Variants in DNAH9 observed in about 807,000 individuals in gnomAD.
The protein encoded by DNAH9 is DNAH9 variant protein.
A neutral mutation model predicts 471.6 loss-of-function variants in DNAH9; 345 were observed. The observed-to-expected ratio is 0.73, with a 90% CI of 0.67 to 0.80. The LOEUF (loss-of-function observed/expected upper bound fraction) is 0.80, where lower values mean the gene tolerates loss of function less well. DNAH9 is among the 30% of genes least tolerant of loss of function. DNAH9 has a pLI of 0.00. For missense variants in DNAH9, 5,407 were observed against 5,609.2 expected (o/e 0.96, Z 1.15); for synonymous variants, 2,093 against 2,123.6 (o/e 0.99, Z 0.40).
intron 45 of DNAH9, among the ~76,000 whole-genome samples, chr17:11,813,982 A>G (rs1325294893): frequency 6.6e-6 from 1 of 152,180 alleles, no homozygotes; most frequent in East Asian, 1.9e-4. Flanking sequence ...TATTTGAGTC[A>G]CTTCCCTTGG....
chr17:11,726,319 A>G (rs559807470), intron 27 of DNAH9, among the ~76,000 whole-genome samples: 2 of 152,300 alleles, frequency 1.3e-5, no homozygotes, highest in East Asian at 3.9e-4. Context: ...TGAAGGAAAA[A>G]TAATCCTAGC....
intron 1 of DNAH9, among the ~76,000 whole-genome samples, chr17:11,606,830 ACTCTC>A (rs1314213116): frequency 6.6e-6 from 1 of 151,814 alleles, no homozygotes; most frequent in Non-Finnish European, 1.5e-5. Context: ...ATCTGTAAGC[ACTCTC>A]CTCTCATATT....
intron 49 of DNAH9, among the ~76,000 whole-genome samples, chr17:11,839,996 A>G (rs1251840752): frequency 2.0e-5 from 3 of 152,222 alleles, no homozygotes; most frequent in African/African-American, 7.2e-5. Context: ...TATGGAAAAC[A>G]GTATACAAAG....
chr17:11,917,790 C>A (rs1280079263), intron 61 of DNAH9, among the ~76,000 whole-genome samples: 2 of 152,166 alleles, frequency 1.3e-5, no homozygotes, highest in African/African-American at 2.4e-5. Flanking sequence ...TTCTTTGGGG[C>A]AGCTCAGTTT....
chr17:11,783,009 CCA>C (rs1968726889), intron 39 of DNAH9, among the ~76,000 whole-genome samples: 1 of 152,198 alleles, frequency 6.6e-6, no homozygotes, highest in South Asian at 2.1e-4. Context: ...ACTCCTCAAT[CCA>C]CTATTATTTG....
In DNAH9 at chr17:11,651,314, G is replaced by A. The variant is rs2150701230; in HGVS notation, c.2343G>A (p.Trp781Ter). 2 of 1,612,606 alleles carry A rather than the reference G, an allele frequency of 1.2e-6. 1 individual carries two copies. The highest frequency in any genetic ancestry group is 1.7e-6 in the Non-Finnish European group (2 of 1,179,526). ...GAGCAGCAGAGGAGACTTTGAACTG[G>A]AAAACAGAAGGTAACAGGGCACCAT... Reference protein sequence around the residue: ...RLRAAEETLNWKTEGICDYVT... With the variant: ...RLRAAEETLN Residue 781 changes from tryptophan to a stop codon, truncating the protein, a stop_gained, in exon 13 of 69, where the codon TGG becomes TGA. Transcript: ENST00000262442. LOFTEE classifies it high-confidence loss of function.
chr17:11,669,117 C>G lies in DNAH9; in HGVS notation c.2785C>G (p.Pro929Ala). The G allele has an allele frequency of 1.2e-6, 2 of 1,613,856 alleles. No homozygotes were observed. The highest frequency in any genetic ancestry group is 1.7e-6 in the Non-Finnish European group (2 of 1,179,828). ...IFEAQLSLAI[P>A]ELVFYPSLES... ...TGAAGCACAACTGAGTCTAGCCATCCCAGAGCTAGTTTTCTATCCGTCTCT... is the reference window on the plus strand; with the variant it reads ...TGAAGCACAACTGAGTCTAGCCATCGCAGAGCTAGTTTTCTATCCGTCTCT... The change falls in exon 16 of 69, where the codon CCA becomes GCA. Residue 929 changes from proline to alanine, a missense_variant. Coordinates refer to ENST00000262442, the MANE Select transcript of DNAH9 (RefSeq NM_001372.4).
intron 26 of DNAH9, among the ~76,000 whole-genome samples, chr17:11,705,746 A>G (rs1477487467): frequency 2.0e-5 from 3 of 152,204 alleles, no homozygotes; most frequent in African/African-American, 7.2e-5. Context: ...TATTCCCAAT[A>G]CATAAAAATG....
chr17:11,797,853 C>A, intron 43 of DNAH9, 60 bp downstream of exon 43: 1 of 1,532,522 alleles, frequency 6.5e-7, no homozygotes, highest in Non-Finnish European at 8.9e-7. Flanking sequence ...TGACAGGGGT[C>A]TCATTCGGCT....
At chr17:11,668,468 C>T (rs891926958) in intron 15 of DNAH9, among the ~76,000 whole-genome samples, 6 of 152,036 alleles carry the variant, frequency 3.9e-5, no homozygotes, top group Non-Finnish European at 8.8e-5. Context: ...AGTTTGAGAC[C>T]AGCCTGGCCA....
At chr17:11,671,575 G>A (rs949607766) in intron 17 of DNAH9, among the ~76,000 whole-genome samples, 7 of 152,190 alleles carry the variant, frequency 4.6e-5, no homozygotes, top group African/African-American at 1.7e-4. Context: ...GATTAGGGCA[G>A]GGGGATAATG....
Position 11,969,341 on chromosome 17 carries a change from C to A in DNAH9, c.13275C>A (p.Pro4425=), listed in dbSNP as rs767355045. 15 of 1,613,874 alleles carry A rather than the reference C, an allele frequency of 9.3e-6. No homozygotes were observed. The highest frequency in any genetic ancestry group is 1.1e-5 in the Non-Finnish European group (13 of 1,179,998). The change falls in exon 69 of 69, where the codon CCC becomes CCA. Residue 4425 remains proline, a synonymous_variant. Transcript: ENST00000262442. ...ITEAKLKDLT[P]PMPVMFIKAI... is the part of the protein sequence containing the mutation. The stretch of plus-strand genomic sequence containing the variant: ...AGGCAAAGCTGAAGGATCTGACACC[C>A]CCTATGCCTGTGATGTTCATCAAGG...
At chr17:11,791,695 A>C (rs1368376907) in intron 41 of DNAH9, among the ~76,000 whole-genome samples, 1 of 152,048 alleles carries the variant, frequency 6.6e-6, no homozygotes, top group Non-Finnish European at 1.5e-5. Flanking sequence ...TGGGTGACAA[A>C]AAGTGAGACT....
chr17:11,744,956 A>G lies in DNAH9; in HGVS notation c.6271A>G (p.Met2091Val). 6.2e-7 allele frequency: 1 copy of G among 1,614,164 alleles called. No homozygotes were observed. The highest frequency in any genetic ancestry group is 8.5e-7 in the Non-Finnish European group (1 of 1,180,030). The change falls in exon 31 of 69, where the codon ATG (methionine) becomes GTG (valine). Residue 2091 changes from methionine (M) to valine (V), a missense_variant. Around this residue, in one of 3 missense-constraint regions of DNAH9, gnomAD observed 4,636 missense variants for 4,900.3 expected, o/e 0.95. Transcript: ENST00000262442. ...TGTGACTGATGACATGCCCATCTTC[A>G]TGGGCCTGATCGGGGACCTCTTTCC... is the stretch of plus-strand genomic sequence containing the variant. The part of the protein sequence containing the change: ...KIVTDDMPIF[M>V]GLIGDLFPAL...
At chr17:11,632,483 CT>C (rs1376045160) in intron 7 of DNAH9, 103 bp from the exon 8 acceptor site, 1 of 630,302 alleles carries the variant, frequency 1.6e-6, no homozygotes, top group African/African-American at 1.8e-5. Flanking sequence ...TAAAATAATT[CT>C]TTGGTATAAC....
chr17:11,615,588 C>T (rs1286094779), intron 4 of DNAH9, among the ~76,000 whole-genome samples: 1 of 151,534 alleles, frequency 6.6e-6, no homozygotes, highest in Non-Finnish European at 1.5e-5. Flanking sequence ...CCATCCCCAC[C>T]CCAAAAGAAA....
chr17:11,823,142 G>T lies in DNAH9; in HGVS notation c.9246+108G>T, dbSNP rs180865105. 112 of 919,992 alleles carry T rather than the reference G, an allele frequency of 1.2e-4. No individual in the cohort carries two copies. In the Admixed American group the frequency reaches 3.0e-3, roughly 25 times the overall value. 57.0% of individuals were successfully genotyped at this position (919,992 alleles called of 1,614,324 possible). On this transcript the variant is annotated intron_variant, in intron 48 of 68. Coordinates refer to ENST00000262442, the MANE Select transcript of DNAH9 (RefSeq NM_001372.4). ...AATCAAGATCTGAAAAATATGTACG[G>T]TTTTCCAGAGACTCCCATGTCATCA...
chr17:11,759,046 A>G (rs1442172726), intron 35 of DNAH9, among the ~76,000 whole-genome samples: 1 of 151,914 alleles, frequency 6.6e-6, no homozygotes, highest in Non-Finnish European at 1.5e-5. Flanking sequence ...TTAGAAAACC[A>G]GAGAAGGGTA....
intron 48 of DNAH9, among the ~76,000 whole-genome samples, chr17:11,834,328 CAAAAAAAAAAA>C (rs762924565): frequency 3.9e-5 from 3 of 77,860 alleles, no homozygotes; most frequent in Non-Finnish European, 6.8e-5. Flanking sequence ...GACTCCGTCT[CAAAAAAAAAAA>C]AAAAAAAAAA....
Sources: gnomAD v4.1 joint callset for allele counts (sites outside exome capture counted in the v4.1 genomes callset) on GRCh38, gnomAD v4.1.1 for gene constraint, gnomAD v4.1.1 regional missense constraint, MANE v1.5 for transcripts, NCBI Gene and HGNC (gene_info 2026-07-23, HGNC 2026-07-21) for gene names.